RABGEF1: variants seen among roughly 807,000 people sequenced by gnomAD.
The protein encoded by RABGEF1 is RAB guanine nucleotide exchange factor 1.
Under a neutral mutation model 57.3 loss-of-function variants are expected in RABGEF1, and 26 were observed. The ratio of observed to expected loss-of-function variants is 0.45; its 90% CI spans 0.33 to 0.63. The LOEUF (loss-of-function observed/expected upper bound fraction) is 0.63. Ranked by LOEUF, RABGEF1 falls within the 20% of genes least tolerant of loss-of-function variation. RABGEF1 has a pLI of 0.02. For synonymous variants in RABGEF1, 185 were observed against 210.7 expected (o/e 0.88, Z 1.06); for missense variants, 464 against 607.6 (o/e 0.76, Z 2.48).
At chr7:66,752,119 G>A (rs1437120943) in intron 1 of RABGEF1, among the ~76,000 whole-genome samples, 1 of 152,056 alleles carries the variant, frequency 6.6e-6, no homozygotes, top group African/African-American at 2.4e-5. Context: ...GATTGCTTGA[G>A]GCCAGACGTT....
intron 4 of RABGEF1, among the ~76,000 whole-genome samples, chr7:66,784,742 C>T (rs1014611195): frequency 1.3e-5 from 2 of 152,164 alleles, no homozygotes; most frequent in Non-Finnish European, 2.9e-5. Context: ...GAAAAGCTTG[C>T]TTTCTCGCCC....
At chr7:66,695,497 G>A (rs1255982354) in intron 1 of RABGEF1, among the ~76,000 whole-genome samples, 2 of 152,158 alleles carry the variant, frequency 1.3e-5, no homozygotes, top group African/African-American at 2.4e-5. Context: ...GAGGAGGAGC[G>A]ACCATTCAGT....
chr7:66,710,051 C>T (rs1794596934), intron 1 of RABGEF1, among the ~76,000 whole-genome samples: 1 of 152,060 alleles, frequency 6.6e-6, no homozygotes, highest in South Asian at 2.1e-4. Flanking sequence ...TTGCACTAGC[C>T]CACCTATCAA....
chr7:66,712,491 G>T (rs769738293), intron 2 of RABGEF1, among the ~76,000 whole-genome samples: 1 of 151,774 alleles, frequency 6.6e-6, no homozygotes, highest in African/African-American at 2.4e-5. Context: ...TTTTTCTTGA[G>T]ACTGGCTCTC....
chr7:66,687,921 A>G (rs1790928671), intron 1 of RABGEF1, among the ~76,000 whole-genome samples: 1 of 152,060 alleles, frequency 6.6e-6, no homozygotes, highest in Non-Finnish European at 1.5e-5. Context: ...CCCTGTCTGT[A>G]CTAAAAATAC....
chr7:66,682,593 C>T (rs898895816), intron 1 of RABGEF1, among the ~76,000 whole-genome samples: 2 of 152,208 alleles, frequency 1.3e-5, no homozygotes, highest in African/African-American at 2.4e-5. Flanking sequence ...CCCACTTCCC[C>T]GTCCAGGATG....
At chr7:66,657,491 G>A in the RABGEF1 span, among the ~76,000 whole-genome samples, 5 of 152,294 alleles carry the variant, frequency 3.3e-5, no homozygotes, top group African/African-American at 9.6e-5. Context: ...TTAAAGCAGC[G>A]TTCAGAGGGA....
At chr7:66,776,614 G>A (rs1808617314) in intron 3 of RABGEF1, among the ~76,000 whole-genome samples, 1 of 152,184 alleles carries the variant, frequency 6.6e-6, no homozygotes, top group East Asian at 1.9e-4. Flanking sequence ...AGAATCATTT[G>A]AATCTAGGAG....
intron 1 of RABGEF1, among the ~76,000 whole-genome samples, chr7:66,693,387 A>T (rs1791830700): frequency 6.6e-6 from 1 of 151,606 alleles, no homozygotes; most frequent in South Asian, 2.1e-4. Context: ...TGGCTTCCTT[A>T]CTCCCTGGTT....
intron 1 of RABGEF1, among the ~76,000 whole-genome samples, chr7:66,697,543 C>A (rs1272656737): frequency 1.3e-5 from 2 of 152,158 alleles, no homozygotes; most frequent in Non-Finnish European, 2.9e-5. Flanking sequence ...TCGAACACAT[C>A]CCAAGTGAGC....
intron 1 of RABGEF1, among the ~76,000 whole-genome samples, chr7:66,689,137 G>A (rs540469137): frequency 6.6e-6 from 1 of 151,834 alleles, no homozygotes; most frequent in Non-Finnish European, 1.5e-5. Flanking sequence ...TCTCAAATCA[G>A]TCACCTAACT....
the RABGEF1 span, chr7:66,669,988 C>T: frequency 6.6e-6 from 1 of 152,410 alleles, no homozygotes; most frequent in Non-Finnish European, 1.5e-5. Flanking sequence ...CAGCCTCCTT[C>T]CCGCCTCCCT....
At chr7:66,751,179 C>A (rs192251823) in intron 1 of RABGEF1, among the ~76,000 whole-genome samples, 1 of 152,044 alleles carries the variant, frequency 6.6e-6, no homozygotes, top group Non-Finnish European at 1.5e-5. Context: ...TACAGACGTG[C>A]GCCACCGCAC....
chr7:66,768,267 A>G (rs1249345013), intron 1 of RABGEF1, among the ~76,000 whole-genome samples: 2 of 152,182 alleles, frequency 1.3e-5, no homozygotes, highest in Non-Finnish European at 2.9e-5. Context: ...TCAATATACA[A>G]ACATCCTTGA....
chr7:66,657,659 A>G, the RABGEF1 span, among the ~76,000 whole-genome samples: 9 of 152,256 alleles, frequency 5.9e-5, no homozygotes, highest in African/African-American at 2.2e-4. Context: ...CATCGCTACT[A>G]AAAATACAAA....
At chr7:66,759,677 G>T (rs1803742183) in intron 1 of RABGEF1, among the ~76,000 whole-genome samples, 1 of 151,912 alleles carries the variant, frequency 6.6e-6, no homozygotes, top group South Asian at 2.1e-4. Flanking sequence ...CTCCCCTAGT[G>T]GGAGCAGGAG....
chr7:66,677,039 A>C, the RABGEF1 span, among the ~76,000 whole-genome samples: 1 of 152,112 alleles, frequency 6.6e-6, no homozygotes, highest in Non-Finnish European at 1.5e-5. Flanking sequence ...TTCTTCTAAG[A>C]GTTTTGTATT....
At chr7:66,715,867 C>T (rs1795335156) in intron 2 of RABGEF1, among the ~76,000 whole-genome samples, 2 of 152,078 alleles carry the variant, frequency 1.3e-5, no homozygotes, top group South Asian at 4.1e-4. Flanking sequence ...GCTCCTTGTG[C>T]CTCCGCCTCC....
Position 66,796,239 on chromosome 7 carries a change from A to T in RABGEF1, c.595+647A>T, listed in dbSNP as rs919207186. Among the ~76,000 whole-genome samples, 5 of 115,666 alleles carry T rather than the reference A, an allele frequency of 4.3e-5. 1 individual carries two copies. Among genetic ancestry groups the T allele is most frequent in the South Asian group, 5.5e-4 (2 of 3,650 alleles). The allele number at this position is 115,666 out of a possible 152,430, so 75.9% of individuals were successfully genotyped here. A position where few individuals can be genotyped will look rare whatever the true frequency, so the allele number is the denominator to read the frequency against. ...TGGTGAGTTATTGTATTAATAGTTTAAAAAAAAAAGAGCTTCAAGTTTTTA... is the reference window on the plus strand; with the variant it reads ...TGGTGAGTTATTGTATTAATAGTTTTAAAAAAAAAGAGCTTCAAGTTTTTA... On this transcript the variant is annotated intron_variant, in intron 5 of 8. Transcript: ENST00000284957.
Sources: gnomAD v4.1 joint callset for allele counts (sites outside exome capture counted in the v4.1 genomes callset) on GRCh38, gnomAD v4.1.1 for gene constraint, MANE v1.5 for transcripts, NCBI Gene and HGNC (gene_info 2026-07-23, HGNC 2026-07-21) for gene names.